The following ALMS1 variants were observed in gnomAD, a reference collection of about 807,000 sequenced individuals.
ALMS1 encodes the protein centrosome-associated protein ALMS1.
A neutral mutation model predicts 352.2 loss-of-function variants in ALMS1; 271 were observed. The observed-to-expected ratio is 0.77, with a 90% CI of 0.70 to 0.85. The LOEUF (loss-of-function observed/expected upper bound fraction) is 0.85, where lower values mean the gene tolerates loss of function less well. Ranked by LOEUF, ALMS1 falls within the 40% of genes least tolerant of loss-of-function variation. The pLI, the probability that ALMS1 is intolerant of heterozygous loss-of-function variation, is 0.00. For missense variants in ALMS1, 5,445 were observed against 4,870.7 expected, an observed-to-expected ratio of 1.12 and a Z score of -3.51; for synonymous variants, 1,865 against 1,761.2, an observed-to-expected ratio of 1.06 and a Z score of -1.48.
Position 73,451,406 on chromosome 2 carries a change from T to G in ALMS1, c.4879T>G (p.Phe1627Val), listed in dbSNP as rs1671935468. ...SSALGEKPIT[F>V]YRQALLDSPL... is the part of the protein sequence containing the mutation. Reference sequence around the variant, plus strand: ...TGCACTTGGAGAGAAGCCCATTACTTTCTACCGGCAGGCTCTGCTAGACAG... The same window carrying G: ...TGCACTTGGAGAGAAGCCCATTACTGTCTACCGGCAGGCTCTGCTAGACAG... Residue 1627 changes from phenylalanine (F) to valine (V), a missense_variant, in exon 8 of 23, where the codon TTC becomes GTC. Transcript: ENST00000613296. The G allele has an allele frequency of 3.1e-6, 5 of 1,613,844 alleles. No individual in the cohort carries two copies. The highest frequency in any genetic ancestry group is 4.2e-6 in the Non-Finnish European group (5 of 1,179,956).
Position 73,609,703 on chromosome 2 carries a change from C to T in ALMS1, c.*91C>T. On this transcript the variant is annotated 3_prime_UTR_variant, in exon 23 of 23. Coordinates refer to ENST00000613296, the MANE Select transcript of ALMS1 (RefSeq NM_001378454.1). ...CTTTTGTGAGTCTGGTTGAATAAAG[C>T]TTATTCTTTGTCCATGTGTATTTTA... 3 of 1,271,704 alleles carry T rather than the reference C, an allele frequency of 2.4e-6. No homozygotes were observed. The highest frequency in any genetic ancestry group is 1.2e-5 in the South Asian group (1 of 83,360). The allele number at this position is 1,271,704 out of a possible 1,614,324, so 78.8% of individuals were successfully genotyped here.
intron 6 of ALMS1, among the ~76,000 whole-genome samples, chr2:73,429,246 C>T (rs1428910211): frequency 7.0e-6 from 1 of 143,384 alleles, no homozygotes; most frequent in Admixed American, 6.9e-5. Flanking sequence ...TTTCTTTCTC[C>T]TTTTTCTTGG....
rs1458618963 is a variant in ALMS1, at chr2:73,609,830, G to A, written c.*218G>A. 4 of 555,462 alleles carry A rather than the reference G, an allele frequency of 7.2e-6. No homozygotes were observed. Among genetic ancestry groups the A allele is most frequent in the Middle Eastern group, 4.7e-4 (1 of 2,118 alleles). The allele number at this position is 555,462 out of a possible 1,614,324, so 34.4% of individuals were successfully genotyped here. ...ATAGTGGCCTTGTCCAATGGCCTGT[G>A]TGTTACAATGATATGATCATTTCTC... On this transcript the variant is annotated 3_prime_UTR_variant, in exon 23 of 23. Transcript: ENST00000613296.
rs374508659 is a variant in ALMS1, at chr2:73,602,304, A to T, written c.12234A>T (p.Ala4078=). 5.0e-6 allele frequency: 8 copies of T among 1,614,226 alleles called. No homozygotes were observed. In the African/African-American group the frequency reaches 1.1e-4, roughly 22 times the overall value. ...LQSMLQTERD[A]LFNIDRERQG... ...GCATGTTACAGACCGAGCGGGATGC[A>T]CTATTCAACATTGACAGGGAACGGC... The change falls in exon 20 of 23, where the codon GCA becomes GCT. Residue 4078 remains alanine, a synonymous_variant. Coordinates refer to ENST00000613296, the MANE Select transcript of ALMS1 (RefSeq NM_001378454.1).
Position 73,534,929 on chromosome 2 carries a change from C to G in ALMS1, c.9887C>G (p.Thr3296Ser). The change falls in exon 12 of 23, where the codon ACC becomes AGC. Residue 3296 changes from threonine to serine, a missense_variant. Thr to Ser is a moderately conservative substitution (Grantham distance 58, BLOSUM62 1). Coordinates refer to ENST00000613296, the MANE Select transcript of ALMS1 (RefSeq NM_001378454.1). Reference sequence around the variant, plus strand: ...TCTCCGGATTCCAAATCAGATACCACCGTTGAAAGCTCCCATTCAGGTATT... The same window carrying G: ...TCTCCGGATTCCAAATCAGATACCAGCGTTGAAAGCTCCCATTCAGGTATT... ...PPSPDSKSDT[T>S]VESSHSGSND... 6.2e-7 allele frequency: 1 copy of G among 1,613,762 alleles called. No individual in the cohort carries two copies. The highest frequency in any genetic ancestry group is 1.1e-5 in the South Asian group (1 of 91,068).
rs78102263 is a variant in ALMS1, at chr2:73,450,927, G to T, written c.4400G>T (p.Gly1467Val). 1.4e-4 allele frequency: 219 copies of T among 1,613,756 alleles called. No homozygotes were observed. The African/African-American group carries it at 2.7e-3, about 20-fold the overall frequency. The part of the protein sequence containing the change: ...VAPGPVDQTI[G>V]TPTVTSPSSS... Reference sequence around the variant, plus strand: ...CCTGGACCAGTTGACCAGACGATTGGCACACCAACTGTAACCTCCCCTTCC... The same window carrying T: ...CCTGGACCAGTTGACCAGACGATTGTCACACCAACTGTAACCTCCCCTTCC... The change falls in exon 8 of 23, where the codon GGC (glycine) becomes GTC (valine). Residue 1467 changes from glycine (G) to valine (V), a missense_variant. By Grantham distance (109) the Gly-to-Val change is moderately radical. Transcript: ENST00000613296.
chr2:73,590,070 T>C (rs1443570953), intron 16 of ALMS1, among the ~76,000 whole-genome samples: 1 of 151,996 alleles, frequency 6.6e-6, no homozygotes, highest in Non-Finnish European at 1.5e-5. Flanking sequence ...TTTAATGAGA[T>C]GATACTTGTC....
At chr2:73,409,247 A>G (rs1254682470) in intron 2 of ALMS1, among the ~76,000 whole-genome samples, 3 of 151,738 alleles carry the variant, frequency 2.0e-5, no homozygotes, top group African/African-American at 2.4e-5. Flanking sequence ...CTTTTTTTGA[A>G]GGCGGGTCTC....
chr2:73,462,312 A>G (rs1672222524), intron 9 of ALMS1, among the ~76,000 whole-genome samples: 1 of 152,186 alleles, frequency 6.6e-6, no homozygotes, highest in South Asian at 2.1e-4. Flanking sequence ...CAACATTCTT[A>G]AAGAAAAGAA....
intron 7 of ALMS1, among the ~76,000 whole-genome samples, chr2:73,444,465 A>C (rs1671770872): frequency 6.6e-6 from 1 of 152,208 alleles, no homozygotes; most frequent in African/African-American, 2.4e-5. Flanking sequence ...GGAATGAGGA[A>C]GAGTCTATAA....
chr2:73,471,306 A>G (rs1419568894), intron 9 of ALMS1, among the ~76,000 whole-genome samples: 1 of 151,060 alleles, frequency 6.6e-6, no homozygotes, highest in African/African-American at 2.4e-5. Flanking sequence ...ACTTATAGCT[A>G]CAGCGAAAGC....
At chr2:73,455,387 A>C (rs754287589) in intron 9 of ALMS1, 92 bp downstream of exon 9, 3 of 1,538,138 alleles carry the variant, frequency 2.0e-6, no homozygotes, top group Non-Finnish European at 2.7e-6. Context: ...TGAGTTGCTG[A>C]TAATATTTGG....
intron 12 of ALMS1, 150 bp downstream of exon 12, chr2:73,535,099 G>A: frequency 1.1e-6 from 1 of 952,288 alleles, no homozygotes; most frequent in South Asian, 1.4e-5. Flanking sequence ...TCAGATAGGT[G>A]AGTTATTTGA....
At chr2:73,391,455 G>A (rs754597004) in intron 1 of ALMS1, among the ~76,000 whole-genome samples, 2 of 151,744 alleles carry the variant, frequency 1.3e-5, no homozygotes, top group African/African-American at 2.4e-5. Context: ...CACCACGCCC[G>A]GCTATTATTT....
At chr2:73,565,733 A>T (rs941690581) in intron 15 of ALMS1, among the ~76,000 whole-genome samples, 1 of 152,210 alleles carries the variant, frequency 6.6e-6, no homozygotes, top group African/African-American at 2.4e-5. Context: ...TGAGAAATAT[A>T]TTTTAACTTT....
chr2:73,467,255 A>G (rs1672375226), intron 9 of ALMS1, among the ~76,000 whole-genome samples: 3 of 152,132 alleles, frequency 2.0e-5, no homozygotes. Flanking sequence ...AAGGACATAA[A>G]TTCAGAATAT....
intron 9 of ALMS1, among the ~76,000 whole-genome samples, chr2:73,473,804 A>G (rs1483706292): frequency 6.6e-6 from 1 of 152,106 alleles, no homozygotes; most frequent in Non-Finnish European, 1.5e-5. Context: ...AACTTGAAGA[A>G]AGGTCAGATG....
chr2:73,531,141 C>A (rs1188368779), intron 11 of ALMS1, among the ~76,000 whole-genome samples: 1 of 152,222 alleles, frequency 6.6e-6, no homozygotes, highest in Non-Finnish European at 1.5e-5. Context: ...ATGGGTTTTT[C>A]TTTTCTACTG....
At chr2:73,591,964 G>A (rs1290101186) in intron 16 of ALMS1, among the ~76,000 whole-genome samples, 1 of 152,092 alleles carries the variant, frequency 6.6e-6, no homozygotes, top group Non-Finnish European at 1.5e-5. Flanking sequence ...CCAACCCAAA[G>A]CCCTACCATT....
Sources: allele counts gnomAD v4.1 joint callset (sites outside exome capture counted in the v4.1 genomes callset), GRCh38; gene constraint gnomAD v4.1.1; transcripts MANE v1.5; gene names NCBI Gene and HGNC (gene_info 2026-07-23, HGNC 2026-07-21).